EXOC4: variants seen among roughly 807,000 people sequenced by gnomAD.
EXOC4 encodes SEC8-like 1.
EXOC4 carries 71 observed loss-of-function variants against 107.2 expected under a neutral mutation model. That is an observed-to-expected ratio of 0.66 (90% CI 0.55 to 0.81). The LOEUF is 0.81. EXOC4 is among the 30% of genes least tolerant of loss of function. EXOC4 has a pLI of 0.00. For missense variants in EXOC4, 1,108 were observed against 1,189.6 expected, an observed-to-expected ratio of 0.93 and a Z score of 1.01; for synonymous variants, 456 against 441.2, an observed-to-expected ratio of 1.03 and a Z score of -0.42.
chr7:133,876,633 A>G (rs2116422950), intron 11 of EXOC4, among the ~76,000 whole-genome samples: 1 of 152,018 alleles, frequency 6.6e-6, no homozygotes, highest in South Asian at 2.1e-4. Flanking sequence ...GGCTTTAGTC[A>G]GATGCCTTAC....
intron 8 of EXOC4, among the ~76,000 whole-genome samples, chr7:133,476,526 A>G (rs1379706480): frequency 6.6e-6 from 1 of 152,136 alleles, no homozygotes; most frequent in Non-Finnish European, 1.5e-5. Flanking sequence ...GTTGATTCAC[A>G]TTTGAGGCTT....
At chr7:133,296,151 G>C (rs1392748822) in intron 3 of EXOC4, among the ~76,000 whole-genome samples, 1 of 152,100 alleles carries the variant, frequency 6.6e-6, no homozygotes, top group African/African-American at 2.4e-5. Context: ...TTGATAAAGA[G>C]ACAAATGATT....
At chr7:133,791,105 A>T (rs893124676) in intron 10 of EXOC4, among the ~76,000 whole-genome samples, 1 of 152,214 alleles carries the variant, frequency 6.6e-6, no homozygotes, top group Non-Finnish European at 1.5e-5. Flanking sequence ...ATATTGAACA[A>T]TGGATCCACT....
At chr7:134,099,925 T>C in the EXOC4 span, among the ~76,000 whole-genome samples, 1 of 151,908 alleles carries the variant, frequency 6.6e-6, no homozygotes, top group African/African-American at 2.4e-5. Context: ...CAGGCTGGTC[T>C]CGAACTGCTG....
At position 133,634,675 on chromosome 7, in the gene EXOC4, G is replaced by A. The variant is rs185466632; in HGVS notation, c.1514+4534G>A. Among the ~76,000 whole-genome samples, 192 of 152,164 alleles carry A rather than the reference G, an allele frequency of 1.3e-3. 1 individual carries two copies. Among genetic ancestry groups the A allele is most frequent in the African/African-American group, 4.4e-3 (184 of 41,510 alleles). Reference sequence around the variant, plus strand: ...CGGCTAATATGTTTTAGTAGAGACAGGGATTCGCCATGTTGGCCAGGCTGG... The same window carrying A: ...CGGCTAATATGTTTTAGTAGAGACAAGGATTCGCCATGTTGGCCAGGCTGG... On this transcript the variant is annotated intron_variant, in intron 10 of 17. Coordinates refer to ENST00000253861, the MANE Select transcript of EXOC4 (RefSeq NM_021807.4).
At chr7:133,585,500 A>C (rs1040775940) in intron 9 of EXOC4, among the ~76,000 whole-genome samples, 1 of 151,994 alleles carries the variant, frequency 6.6e-6, no homozygotes, top group Non-Finnish European at 1.5e-5. Context: ...GGTGGCGCAC[A>C]CCTGTGGTCC....
At chr7:133,431,693 T>C (rs1036028597) in intron 7 of EXOC4, among the ~76,000 whole-genome samples, 8 of 152,178 alleles carry the variant, frequency 5.3e-5, no homozygotes. Context: ...GGCGTTGTTT[T>C]TAGAGCCACA....
intron 9 of EXOC4, among the ~76,000 whole-genome samples, chr7:133,566,611 C>T (rs186461600): frequency 2.6e-5 from 4 of 152,000 alleles, no homozygotes; most frequent in Non-Finnish European, 4.4e-5. Context: ...CATGGTAGAC[C>T]GGAAGGTACA....
intron 9 of EXOC4, among the ~76,000 whole-genome samples, chr7:133,612,207 G>A (rs1052290075): frequency 1.3e-5 from 2 of 152,138 alleles, no homozygotes; most frequent in African/African-American, 2.4e-5. Context: ...TTGTGCAAAT[G>A]TTTCCTTTTA....
At chr7:133,828,018 G>A (rs1239814500) in intron 11 of EXOC4, among the ~76,000 whole-genome samples, 1 of 152,142 alleles carries the variant, frequency 6.6e-6, no homozygotes, top group Non-Finnish European at 1.5e-5. Flanking sequence ...CACCTAGACT[G>A]TTCTATGAAA....
chr7:134,077,341 G>A, the EXOC4 span, among the ~76,000 whole-genome samples: 1 of 152,208 alleles, frequency 6.6e-6, no homozygotes, highest in Non-Finnish European at 1.5e-5. Flanking sequence ...ATTGGATGAT[G>A]CTTACCCACA....
chr7:133,693,332 G>A (rs1027263920), intron 10 of EXOC4, among the ~76,000 whole-genome samples: 3 of 152,140 alleles, frequency 2.0e-5, no homozygotes, highest in African/African-American at 4.8e-5. Flanking sequence ...GATGTAGGCC[G>A]GAAGACTCAG....
At chr7:134,067,638 T>G (rs12155458), downstream of EXOC4, among the ~76,000 whole-genome samples, 1 of 132,074 alleles carries the variant, frequency 7.6e-6, no homozygotes, top group African/African-American at 2.7e-5. Context: ...TATATATATA[T>G]ACACACACAC....
Position 133,886,244 on chromosome 7 carries a change from A to T in EXOC4, c.1735-9355A>T, listed in dbSNP as rs145260803. 7.9e-5 allele frequency among the ~76,000 whole-genome samples: 12 copies of T among 152,374 alleles called. No individual in the cohort carries two copies. In the South Asian group the frequency reaches 2.3e-3, roughly 29 times the overall value. ...ATATTAAAGGTTTCTGAAGTCCTCC[A>T]GTAAAAACACCACTTCGGTTTTCTT... On this transcript the variant is annotated intron_variant, in intron 11 of 17. Transcript: ENST00000253861.
At chr7:133,318,749 G>T (rs527892914) in intron 5 of EXOC4, among the ~76,000 whole-genome samples, 1 of 152,228 alleles carries the variant, frequency 6.6e-6, no homozygotes, top group East Asian at 1.9e-4. Context: ...GGATTATTTA[G>T]GCTTGGAATC....
At chr7:133,826,249 A>T (rs1797700184) in intron 11 of EXOC4, among the ~76,000 whole-genome samples, 1 of 152,196 alleles carries the variant, frequency 6.6e-6, no homozygotes, top group Admixed American at 6.5e-5. Context: ...TTTTCAGATC[A>T]TTTTTATCAA....
intron 11 of EXOC4, among the ~76,000 whole-genome samples, chr7:133,883,726 C>T (rs1223413514): frequency 6.6e-6 from 1 of 152,084 alleles, no homozygotes; most frequent in Admixed American, 6.6e-5. Context: ...ACACTCATTT[C>T]TGTGGGAGGT....
At chr7:133,647,052 A>G (rs1318333712) in intron 10 of EXOC4, among the ~76,000 whole-genome samples, 1 of 152,158 alleles carries the variant, frequency 6.6e-6, no homozygotes, top group African/African-American at 2.4e-5. Flanking sequence ...ATGCAGTCCT[A>G]ATGATTTTGC....
chr7:133,881,569 T>G (rs527602495), intron 11 of EXOC4, among the ~76,000 whole-genome samples: 2 of 152,172 alleles, frequency 1.3e-5, no homozygotes, highest in Non-Finnish European at 2.9e-5. Context: ...TTTATTGTCC[T>G]TATTCGTGAA....
Sources: allele counts gnomAD v4.1 joint callset (sites outside exome capture counted in the v4.1 genomes callset), GRCh38; gene constraint gnomAD v4.1.1; transcripts MANE v1.5; gene names NCBI Gene and HGNC (gene_info 2026-07-23, HGNC 2026-07-21).